GPC5: variants seen among roughly 807,000 people sequenced by gnomAD.
GPC5 encodes the protein glypican-5.
Under a neutral mutation model 53.9 loss-of-function variants are expected in GPC5, and 47 were observed. The ratio of observed to expected loss-of-function variants is 0.87; its 90% CI spans 0.69 to 1.11. GPC5 has a LOEUF of 1.11. GPC5 is among the 50% of genes most tolerant of loss of function. The probability of loss-of-function intolerance (pLI) is 0.00; values close to 1 mark genes in which losing one functional copy is unlikely to be tolerated. For missense variants in GPC5, 748 were observed against 713.1 expected (o/e 1.05, Z -0.56); for synonymous variants, 286 against 263.3 (o/e 1.09, Z -0.84).
At chr13:92,003,325 C>CAAAAAAAAAAAAAAAAAAAAAA (rs57075719) in intron 6 of GPC5, among the ~76,000 whole-genome samples, 1 of 100,204 alleles carries the variant, frequency 1.0e-5, no homozygotes, top group Non-Finnish European at 2.1e-5. Context: ...TGTCTTAACA[C>CAAAAAAAAAAAAAAAAAAAAAA]AAAAAAAAAA....
chr13:92,403,594 TC>T (rs1282882039), intron 7 of GPC5, among the ~76,000 whole-genome samples: 2 of 152,222 alleles, frequency 1.3e-5, no homozygotes, highest in Admixed American at 6.5e-5. Context: ...CCTGAAACCA[TC>T]CCCCAACAGT....
chr13:92,148,784 T>C (rs531594534), intron 7 of GPC5, among the ~76,000 whole-genome samples: 1 of 152,234 alleles, frequency 6.6e-6, no homozygotes, highest in East Asian at 1.9e-4. Context: ...TCTCTTCTTT[T>C]GGCCATGCAG....
intron 3 of GPC5, among the ~76,000 whole-genome samples, chr13:91,714,174 T>C (rs1376894866): frequency 6.6e-6 from 1 of 152,204 alleles, no homozygotes. Flanking sequence ...CCTCCTTCCT[T>C]GGTTAGCCTG....
intron 5 of GPC5, among the ~76,000 whole-genome samples, chr13:91,776,454 A>C (rs547049187): frequency 3.7e-4 from 56 of 152,342 alleles, no homozygotes; most frequent in African/African-American, 1.3e-3. Context: ...GAACATTACT[A>C]CTTACTTGAA....
chr13:92,543,094 T>G (rs1448944046), intron 7 of GPC5, among the ~76,000 whole-genome samples: 2 of 152,092 alleles, frequency 1.3e-5, no homozygotes, highest in Non-Finnish European at 2.9e-5. Flanking sequence ...CCTCTTCATC[T>G]TCTGCAACTC....
chr13:91,453,343 C>T (rs1924455), intron 2 of GPC5, among the ~76,000 whole-genome samples: 8,803 of 151,616 alleles, frequency 0.058, 403 homozygotes, highest in East Asian at 0.18. Context: ...GTATAGCTAT[C>T]GTATAGCTGC....
At chr13:91,734,312 C>T (rs1414681146) in intron 4 of GPC5, among the ~76,000 whole-genome samples, 2 of 151,266 alleles carry the variant, frequency 1.3e-5, no homozygotes, top group Non-Finnish European at 2.9e-5. Flanking sequence ...GCGTTCACTC[C>T]GTGAGTTGGG....
intron 7 of GPC5, among the ~76,000 whole-genome samples, chr13:92,366,379 T>A (rs1415490833): frequency 1.3e-4 from 20 of 151,754 alleles, no homozygotes; most frequent in Admixed American, 1.3e-3. Flanking sequence ...AATTTAAAAA[T>A]ATTTTTGTAT....
chr13:92,293,706 G>A (rs182063708), intron 7 of GPC5, among the ~76,000 whole-genome samples: 4 of 152,032 alleles, frequency 2.6e-5, no homozygotes, highest in African/African-American at 9.6e-5. Context: ...TGTCTGCTCT[G>A]GCTAGGACTT....
intron 5 of GPC5, among the ~76,000 whole-genome samples, chr13:91,897,348 T>TGC (rs911200769): frequency 1.5e-5 from 2 of 133,398 alleles, no homozygotes; most frequent in Non-Finnish European, 3.3e-5. Context: ...TGTGTGTGTG[T>TGC]GTGTGTGTGT....
At chr13:92,399,022 C>G (rs1331967370) in intron 7 of GPC5, among the ~76,000 whole-genome samples, 1 of 152,188 alleles carries the variant, frequency 6.6e-6, no homozygotes, top group Non-Finnish European at 1.5e-5. Context: ...ATGATGTTAC[C>G]TGATTAATCT....
intron 7 of GPC5, among the ~76,000 whole-genome samples, chr13:92,416,465 A>G (rs1876294539): frequency 1.3e-5 from 2 of 152,216 alleles, no homozygotes; most frequent in South Asian, 4.1e-4. Flanking sequence ...AGACAAAGCA[A>G]TGGAGATAGA....
intron 5 of GPC5, among the ~76,000 whole-genome samples, chr13:91,779,679 T>C (rs1012721379): frequency 2.0e-5 from 3 of 152,100 alleles, no homozygotes; most frequent in Non-Finnish European, 4.4e-5. Flanking sequence ...CTTTAAAAAA[T>C]TGTAATTAAA....
At chr13:91,922,636 A>G (rs2039727156) in intron 6 of GPC5, among the ~76,000 whole-genome samples, 1 of 152,106 alleles carries the variant, frequency 6.6e-6, no homozygotes, top group African/African-American at 2.4e-5. Flanking sequence ...GTTCCTTGGC[A>G]CTCTGTAACT....
At position 92,205,554 on chromosome 13, in the gene GPC5, C is replaced by T. The variant is rs9560981; in HGVS notation, c.1561+60565C>T. On this transcript the variant is annotated intron_variant, in intron 7 of 7. Coordinates refer to ENST00000377067, the MANE Select transcript of GPC5 (RefSeq NM_004466.6). ...TAGAAAGCGGGAACAAAATTCAGAC[C>T]TCTCTTTGGGCAAGGACAAATTCTT... 8.3e-3 allele frequency among the ~76,000 whole-genome samples: 1,257 copies of T among 152,300 alleles called. 15 individuals carry two copies. The highest frequency in any genetic ancestry group is 0.044 in the South Asian group (211 of 4,826).
intron 2 of GPC5, among the ~76,000 whole-genome samples, chr13:91,614,071 T>A (rs984547943): frequency 1.1e-4 from 17 of 152,194 alleles, no homozygotes; most frequent in African/African-American, 4.1e-4. Context: ...GAAAGAGATA[T>A]GCTGGATGTA....
rs115391677 is a variant in GPC5 at position 92,438,228 on chromosome 13, G to A, written c.1561+293239G>A. ...GTATAAGGAATTATCATGTACCTATGAACACATAAATGGAGAACCAACCCA... is the reference window on the plus strand; with the variant it reads ...GTATAAGGAATTATCATGTACCTATAAACACATAAATGGAGAACCAACCCA... On this transcript the variant is annotated intron_variant, in intron 7 of 7. Transcript: ENST00000377067. Among the ~76,000 whole-genome samples, 688 of 151,886 alleles carry A rather than the reference G, an allele frequency of 4.5e-3. 4 individuals carry two copies. The highest frequency in any genetic ancestry group is 0.015 in the African/African-American group (629 of 41,436).
chr13:91,452,607 T>C (rs999399477), intron 2 of GPC5, among the ~76,000 whole-genome samples: 6 of 152,160 alleles, frequency 3.9e-5, no homozygotes, highest in African/African-American at 1.4e-4. Context: ...ATATTTGTTA[T>C]AAATATTTTG....
At chr13:92,229,308 G>C (rs2042512667) in intron 7 of GPC5, among the ~76,000 whole-genome samples, 1 of 151,986 alleles carries the variant, frequency 6.6e-6, no homozygotes, top group Admixed American at 6.6e-5. Flanking sequence ...GTATTGATGA[G>C]AAAAGGTAAA....
Sources: gnomAD v4.1 joint callset for allele counts (sites outside exome capture counted in the v4.1 genomes callset) on GRCh38, gnomAD v4.1.1 for gene constraint, MANE v1.5 for transcripts, NCBI Gene and HGNC (gene_info 2026-07-23, HGNC 2026-07-21) for gene names.